The following PUDP variants were observed in gnomAD, a reference collection of about 807,000 sequenced individuals.
PUDP encodes pseudouridine-5'-phosphatase.
A neutral mutation model predicts 9.4 loss-of-function variants in PUDP; 8 were observed. That is an observed-to-expected ratio of 0.85 (90% CI 0.50 to 1.53). The LOEUF is 1.53. Among genes scored for constraint, PUDP ranks in the 40% most tolerant of loss-of-function variants. The pLI is 0.00. For missense variants in PUDP, 188 were observed against 189.7 expected, an observed-to-expected ratio of 0.99 and a Z score of 0.05; for synonymous variants, 99 against 80.7, an observed-to-expected ratio of 1.23 and a Z score of -1.22.
At chrX:7,099,595 A>G (rs1370654055) in intron 2 of PUDP, among the ~76,000 whole-genome samples, 2 of 111,903 alleles carry the variant, frequency 1.8e-5, no homozygotes, top group African/African-American at 6.5e-5. Context: ...ATGTGATGAT[A>G]GCAAATAGGC....
chrX:7,112,011 C>G (rs1467168535), intron 1 of PUDP, among the ~76,000 whole-genome samples: 1 of 105,637 alleles, frequency 9.5e-6, no homozygotes, highest in Non-Finnish European at 2.0e-5. Context: ...AAAAAGCAAA[C>G]AAAACTATCA....
chrX:6,753,794 G>C (rs1163439702), intron 3 of PUDP, among the ~76,000 whole-genome samples: 3 of 111,213 alleles, frequency 2.7e-5, no homozygotes, highest in African/African-American at 9.8e-5. Flanking sequence ...GTCTATTCTT[G>C]TCCTTAGCCC....
intron 2 of PUDP, among the ~76,000 whole-genome samples, chrX:7,082,381 G>C (rs1281675102): frequency 8.9e-6 from 1 of 112,553 alleles, no homozygotes; most frequent in Non-Finnish European, 1.9e-5. Context: ...TTCTTTTGTT[G>C]GGTGATCTGG....
At chrX:6,749,839 G>A (rs1478374356) in intron 3 of PUDP, among the ~76,000 whole-genome samples, 1 of 111,504 alleles carries the variant, frequency 9.0e-6, no homozygotes, top group African/African-American at 3.3e-5. Context: ...CGTGAAAATG[G>A]CCCTTAAAAT....
At chrX:7,058,910 A>G (rs1377676839) in intron 3 of PUDP, among the ~76,000 whole-genome samples, 1 of 111,543 alleles carries the variant, frequency 9.0e-6, no homozygotes, top group African/African-American at 3.3e-5. Flanking sequence ...ATGGTGCTGC[A>G]TTCCTCTAAG....
chrX:7,144,353 A>AAATCTATTT (rs1260590636), intron 1 of PUDP, among the ~76,000 whole-genome samples: 2 of 112,474 alleles, frequency 1.8e-5, no homozygotes, highest in Non-Finnish European at 3.8e-5. Flanking sequence ...TACGTAAGAA[A>AAATCTATTT]AATCTATTTT....
rs770546335 is a variant in PUDP, at chrX:6,793,762, C to T, written c.*248-87296G>A. 5.5e-3 allele frequency among the ~76,000 whole-genome samples: 605 copies of T among 109,193 alleles called. 7 individuals are homozygous for T. Among genetic ancestry groups the T allele is most frequent in the Non-Finnish European group, 8.7e-3 (445 of 51,339 alleles). The allele number at this position is 109,193 out of a possible 115,157, so 94.8% of individuals were successfully genotyped here. On this transcript the variant is annotated intron_variant and NMD_transcript_variant, in intron 3 of 3. Transcript: ENST00000655425. ...CTGTTCAGACTGAGGCAAGAAAAGACGGTAAAGATTGCTATGAGGAATAGA... is the reference window on the plus strand; with the variant it reads ...CTGTTCAGACTGAGGCAAGAAAAGATGGTAAAGATTGCTATGAGGAATAGA...
At chrX:6,932,542 G>A (rs1157463748) in intron 3 of PUDP, among the ~76,000 whole-genome samples, 3 of 111,454 alleles carry the variant, frequency 2.7e-5, no homozygotes, top group South Asian at 3.8e-4. Context: ...CAGCGTGAGC[G>A]ACGCAGAAGA....
intron 1 of PUDP, among the ~76,000 whole-genome samples, chrX:7,032,821 T>C (rs1929808695): frequency 8.9e-6 from 1 of 111,859 alleles, no homozygotes. Context: ...TCAGAATATA[T>C]AAAAAGATCC....
chrX:6,843,108 G>C (rs1158952028), intron 3 of PUDP, among the ~76,000 whole-genome samples: 1 of 112,505 alleles, frequency 8.9e-6, no homozygotes, highest in Non-Finnish European at 1.9e-5. Flanking sequence ...AATGTATTAT[G>C]CAGTGAAAGA....
intron 3 of PUDP, among the ~76,000 whole-genome samples, chrX:7,062,061 A>C (rs1717108226): frequency 8.9e-6 from 1 of 112,250 alleles, no homozygotes; most frequent in African/African-American, 3.2e-5. Flanking sequence ...TTTTTTTGTG[A>C]GATTCATCAG....
chrX:6,814,358 A>G (rs1926193180), intron 3 of PUDP, among the ~76,000 whole-genome samples: 1 of 111,363 alleles, frequency 9.0e-6, no homozygotes, highest in African/African-American at 3.3e-5. Context: ...TCAGTTTTTC[A>G]GAAGATTCTT....
At chrX:6,830,623 GA>G (rs1926489535) in intron 3 of PUDP, among the ~76,000 whole-genome samples, 1 of 111,704 alleles carries the variant, frequency 9.0e-6, no homozygotes, top group Non-Finnish European at 1.9e-5. Context: ...AATTCATCAA[GA>G]GGAGAAACAC....
chrX:7,059,000 T>A (rs987109738), intron 3 of PUDP, among the ~76,000 whole-genome samples: 1 of 111,559 alleles, frequency 9.0e-6, no homozygotes, highest in Admixed American at 9.5e-5. Context: ...GCTCTGAAAA[T>A]CAAACTATAA....
At chrX:7,140,775 GT>G (rs1932787345) in intron 1 of PUDP, among the ~76,000 whole-genome samples, 1 of 111,765 alleles carries the variant, frequency 8.9e-6, no homozygotes, top group African/African-American at 3.3e-5. Flanking sequence ...CAAATTCAAG[GT>G]TTTTGGCAAC....
chrX:7,019,054 C>A (rs1929593153), intron 1 of PUDP, among the ~76,000 whole-genome samples: 1 of 111,848 alleles, frequency 8.9e-6, no homozygotes, highest in Non-Finnish European at 1.9e-5. Flanking sequence ...TCCCCATGAC[C>A]TTTTTTAATT....
chrX:7,138,391 G>C (rs1194600928), intron 1 of PUDP, among the ~76,000 whole-genome samples: 3 of 91,755 alleles, frequency 3.3e-5, no homozygotes, highest in Non-Finnish European at 6.5e-5. Flanking sequence ...TTTTTTTTTT[G>C]AGACAGAATC....
chrX:6,848,547 T>G (rs1264699702), intron 3 of PUDP, among the ~76,000 whole-genome samples: 2 of 112,176 alleles, frequency 1.8e-5, no homozygotes, highest in East Asian at 5.6e-4. Context: ...TAACAGATGC[T>G]GCAAACAAAA....
chrX:6,742,105 C>T (rs751502880), intron 3 of PUDP, among the ~76,000 whole-genome samples: 3 of 111,690 alleles, frequency 2.7e-5, no homozygotes, highest in South Asian at 3.8e-4. Context: ...CTGCCCGCCT[C>T]GGACTCTCAA....
Sources: gnomAD v4.1 joint callset for allele counts (sites outside exome capture counted in the v4.1 genomes callset) on GRCh38, gnomAD v4.1.1 for gene constraint, MANE v1.5 for transcripts, NCBI Gene and HGNC (gene_info 2026-07-23, HGNC 2026-07-21) for gene names.